Variants in RBPJ observed in about 807,000 individuals in gnomAD.
RBPJ encodes recombining binding protein suppressor of hairless.
In RBPJ, 9 loss-of-function variants were observed where a neutral mutation model predicts 67.8. The observed-to-expected ratio is 0.13, with a 90% CI of 0.08 to 0.23. The LOEUF (loss-of-function observed/expected upper bound fraction) is 0.23, where lower values mean the gene tolerates loss of function less well. RBPJ is among the 10% of genes least tolerant of loss of function. The pLI is 1.00. For missense variants in RBPJ, 305 were observed against 595.6 expected (o/e 0.51, Z 5.08); for synonymous variants, 198 against 203.3 (o/e 0.97, Z 0.22).
chr4:26,234,319 T>C (rs1719383825), intron 1 of RBPJ, among the ~76,000 whole-genome samples: 1 of 152,194 alleles, frequency 6.6e-6, no homozygotes, highest in Non-Finnish European at 1.5e-5. Context: ...GTGGTACAAA[T>C]AGCATTCTGC....
intron 1 of RBPJ, among the ~76,000 whole-genome samples, chr4:26,368,356 G>C (rs1305378808): frequency 6.6e-6 from 1 of 152,040 alleles, no homozygotes; most frequent in African/African-American, 2.4e-5. Context: ...CTTTTCCATA[G>C]CGTTGTTTTG....
intron 1 of RBPJ, among the ~76,000 whole-genome samples, chr4:26,235,305 G>A (rs766843718): frequency 9.0e-4 from 137 of 152,276 alleles, no homozygotes; most frequent in Non-Finnish European, 1.4e-3. Context: ...TGATTACAAC[G>A]TAGGTTTTGA....
chr4:26,192,195 A>G (rs1369494127), intron 1 of RBPJ, among the ~76,000 whole-genome samples: 1 of 151,996 alleles, frequency 6.6e-6, no homozygotes, highest in Non-Finnish European at 1.5e-5. Context: ...TTTAGTAGAG[A>G]CAGGGTTTCA....
chr4:26,345,632 T>C (rs540787051), intron 1 of RBPJ, among the ~76,000 whole-genome samples: 7 of 152,326 alleles, frequency 4.6e-5, no homozygotes, highest in African/African-American at 1.7e-4. Flanking sequence ...GTCTGTCCAA[T>C]GAGAGGAATC....
chr4:26,312,294 G>C (rs1332469488), intron 1 of RBPJ, among the ~76,000 whole-genome samples: 1 of 152,090 alleles, frequency 6.6e-6, no homozygotes, highest in Non-Finnish European at 1.5e-5. Flanking sequence ...ACCACGCCTG[G>C]CTAATTTTTT....
chr4:26,270,358 AAAG>A (rs1448091574), intron 1 of RBPJ, among the ~76,000 whole-genome samples: 159 of 14,634 alleles, frequency 0.011, 3 homozygotes, highest in African/African-American at 0.042. Flanking sequence ...AGAGCAAGAG[AAAG>A]AAAGAAAGAA....
rs1736330092 is a variant in RBPJ, at chr4:26,432,536, T to C, written c.*1529T>C. On this transcript the variant is annotated 3_prime_UTR_variant, in exon 11 of 11. Coordinates refer to ENST00000355476, the MANE Select transcript of RBPJ (RefSeq NM_015874.6). Reference sequence around the variant, plus strand: ...AGGGTTGTAGGTTGGCCTTGCTTGCTAACCCCGCCGGTTTTACCGTGCTTT... The same window carrying C: ...AGGGTTGTAGGTTGGCCTTGCTTGCCAACCCCGCCGGTTTTACCGTGCTTT... The C allele has an allele frequency of 6.6e-6, 1 of 152,214 alleles. No individual in the cohort carries two copies. The highest frequency in any genetic ancestry group is 6.5e-5 in the Admixed American group (1 of 15,290). 9.4% of individuals were successfully genotyped at this position (152,214 alleles called of 1,614,324 possible).
rs1302523490 is a variant in RBPJ, at chr4:26,432,213, G to GC, written c.*1207dup. Reference sequence around the variant, plus strand: ...TAGAATGAGGAAAATGTCCGCAAAAGCATGTTTTATTATCTTTACTTTTTT... The same window carrying GC: ...TAGAATGAGGAAAATGTCCGCAAAAGCCATGTTTTATTATCTTTACTTTTTT... On this transcript the variant is annotated 3_prime_UTR_variant, in exon 11 of 11. Transcript: ENST00000355476. 3 of 152,218 alleles carry GC rather than the reference G, an allele frequency of 2.0e-5. No homozygotes were observed. The highest frequency in any genetic ancestry group is 4.4e-5 in the Non-Finnish European group (3 of 68,066). The allele number at this position is 152,218 out of a possible 1,614,324, so 9.4% of individuals were successfully genotyped here. A position where few individuals can be genotyped will look rare whatever the true frequency, so the allele number is the denominator to read the frequency against.
chr4:26,135,322 C>T, the RBPJ span, among the ~76,000 whole-genome samples: 1 of 152,084 alleles, frequency 6.6e-6, no homozygotes, highest in Admixed American at 6.5e-5. Context: ...CTCATTTCAC[C>T]CTCACCACAA....
chr4:26,135,078 C>T, the RBPJ span, among the ~76,000 whole-genome samples: 1 of 152,152 alleles, frequency 6.6e-6, no homozygotes, highest in South Asian at 2.1e-4. Flanking sequence ...TCCTCCTTGA[C>T]ATCCTTAGAC....
At chr4:26,194,863 C>G (rs1042598799) in intron 1 of RBPJ, among the ~76,000 whole-genome samples, 8 of 152,184 alleles carry the variant, frequency 5.3e-5, no homozygotes, top group African/African-American at 1.2e-4. Context: ...GCACACCCTC[C>G]TAACCATATC....
chr4:26,396,625 C>T (rs551579768), intron 2 of RBPJ, among the ~76,000 whole-genome samples: 1 of 152,356 alleles, frequency 6.6e-6, no homozygotes, highest in African/African-American at 2.4e-5. Flanking sequence ...TGACCCATTG[C>T]TCTCAATGTA....
At position 26,247,780 on chromosome 4, in the gene RBPJ, C is replaced by T; in HGVS notation, c.-167+84166C>T. On this transcript the variant is annotated intron_variant, in intron 1 of 4. Transcript: ENST00000512351. The stretch of plus-strand genomic sequence containing the variant: ...TAATTCACTATTACTAATATAAAGA[C>T]AAGTTACTGATATTTTAAAATATTT... Among the ~76,000 whole-genome samples, 3 of 152,192 alleles carry T rather than the reference C, an allele frequency of 2.0e-5. 1 individual carries two copies. Among genetic ancestry groups the T allele is most frequent in the African/African-American group, 7.2e-5 (3 of 41,510 alleles).
intron 1 of RBPJ, among the ~76,000 whole-genome samples, chr4:26,224,240 CT>C (rs1719010689): frequency 1.3e-5 from 2 of 150,742 alleles, no homozygotes; most frequent in South Asian, 4.2e-4. Context: ...ACACAAGATT[CT>C]TTTTTTGAGA....
At chr4:26,162,292 G>A (rs1716102319), upstream of RBPJ, among the ~76,000 whole-genome samples, 1 of 152,222 alleles carries the variant, frequency 6.6e-6, no homozygotes, top group Non-Finnish European at 1.5e-5. Context: ...TTCCCTGGAT[G>A]TGGGACTTTC....
Position 26,430,657 on chromosome 4 carries a change from A to G in RBPJ, c.1149-35A>G, listed in dbSNP as rs1560350631. The stretch of plus-strand genomic sequence containing the variant: ...ATTTTTAACATGTACTTTGCTTTTT[A>G]AAGTGTTTTTAAGTGATTTCTATTT... On this transcript the variant is annotated intron_variant, in intron 10 of 10. Coordinates refer to ENST00000355476, the MANE Select transcript of RBPJ (RefSeq NM_015874.6). This position sits in a 1 kb window ranked among gnomAD's most constrained non-coding sequence, Gnocchi z 4.1. 6.2e-7 allele frequency: 1 copy of G among 1,601,466 alleles called. No homozygotes were observed. The highest frequency in any genetic ancestry group is 1.7e-5 in the Admixed American group (1 of 58,958).
intron 1 of RBPJ, among the ~76,000 whole-genome samples, chr4:26,250,883 T>G (rs1476568539): frequency 6.6e-6 from 1 of 152,222 alleles, no homozygotes; most frequent in Non-Finnish European, 1.5e-5. Flanking sequence ...AGCCAATTGC[T>G]TTGTATTCCA....
chr4:26,109,460 CTATATATATATATATA>C, the RBPJ span, among the ~76,000 whole-genome samples: 6 of 14,686 alleles, frequency 4.1e-4, no homozygotes, highest in Non-Finnish European at 1.2e-4. Context: ...CTCTCTCTCT[CTATATATATATATATA>C]TATATATATA....
intron 1 of RBPJ, among the ~76,000 whole-genome samples, chr4:26,300,488 T>G (rs1319166987): frequency 2.0e-5 from 3 of 152,194 alleles, no homozygotes; most frequent in Non-Finnish European, 2.9e-5. Context: ...GAAACCTTCC[T>G]TCATGAAATG....
Sources: allele counts gnomAD v4.1 joint callset (sites outside exome capture counted in the v4.1 genomes callset), GRCh38; gene constraint gnomAD v4.1.1; non-coding constraint Gnocchi (gnomAD v3.1); transcripts MANE v1.5; gene names NCBI Gene and HGNC (gene_info 2026-07-23, HGNC 2026-07-21).